Variants in BIRC6 observed in about 807,000 individuals in gnomAD.
BIRC6 encodes the protein baculoviral IAP repeat containing 6, also known as dual E2 ubiquitin-conjugating enzyme/E3 ubiquitin-protein ligase BIRC6.
A neutral mutation model predicts 503.3 loss-of-function variants in BIRC6; 98 were observed. The ratio of observed to expected loss-of-function variants is 0.19; its 90% confidence interval spans 0.17 to 0.23. The LOEUF is 0.23. Among genes scored for constraint, BIRC6 ranks in the 10% least tolerant of loss-of-function variants. BIRC6 has a pLI of 1.00. For missense variants in BIRC6, 5,360 were observed against 5,806.0 expected, an observed-to-expected ratio of 0.92 and a Z score of 2.50; for synonymous variants, 2,240 against 2,078.7, an observed-to-expected ratio of 1.08 and a Z score of -2.11.
At chr2:32,429,947 G>T (rs2147937837) in intron 11 of BIRC6, among the ~76,000 whole-genome samples, 1 of 152,196 alleles carries the variant, frequency 6.6e-6, no homozygotes, top group Admixed American at 6.5e-5. Context: ...GAATGGAGAA[G>T]ATTTTTTATA....
rs70938348 is a variant in BIRC6, at chr2:32,473,706, CGTGTGTGTGTGTGTGTGT to C, written c.6720+494_6720+511del. Among the ~76,000 whole-genome samples the C allele has an allele frequency of 9.2e-4, 67 of 72,690 alleles. 1 individual carries two copies. Among genetic ancestry groups the C allele is most frequent in the Admixed American group, 4.3e-3 (20 of 4,666 alleles). 47.7% of individuals were successfully genotyped at this position (72,690 alleles called of 152,430 possible). Reference sequence around the variant, plus strand: ...TTTCCATGTCTTTTTTCTCCTTTTTCGTGTGTGTGTGTGTGTGTGTGTGTGTGTGTGTGTGTGTGTGTG... The same window carrying C: ...TTTCCATGTCTTTTTTCTCCTTTTTCGTGTGTGTGTGTGTGTGTGTGTGTG... On this transcript the variant is annotated intron_variant, in intron 33 of 73. Coordinates refer to ENST00000421745, the MANE Select transcript of BIRC6 (RefSeq NM_016252.4).
At chr2:32,531,862 T>G (rs1285250724) in intron 61 of BIRC6, among the ~76,000 whole-genome samples, 1 of 152,218 alleles carries the variant, frequency 6.6e-6, no homozygotes, top group Non-Finnish European at 1.5e-5. Flanking sequence ...TTATTAGAGA[T>G]ATTATTGGAA....
Position 32,468,638 on chromosome 2 carries a change from C to G in BIRC6, c.5982C>G (p.Leu1994=). Residue 1994 remains leucine, a synonymous_variant, in exon 29 of 74, where the codon CTC becomes CTG. Coordinates refer to ENST00000421745, the MANE Select transcript of BIRC6 (RefSeq NM_016252.4). The part of the protein sequence containing the change: ...LNLAHNAVQR[L]KVALGASRKM... The stretch of plus-strand genomic sequence containing the variant: ...TGGCTCATAATGCAGTGCAGAGGCT[C>G]AAAGTGGCGCTAGGTGCAAGCCGGA... 1 of 1,613,980 alleles carries G rather than the reference C, an allele frequency of 6.2e-7. No homozygotes were observed. The highest frequency in any genetic ancestry group is 8.5e-7 in the Non-Finnish European group (1 of 1,179,862).
At chr2:32,462,750 G>T (rs2148853530) in intron 23 of BIRC6, among the ~76,000 whole-genome samples, 1 of 152,264 alleles carries the variant, frequency 6.6e-6, no homozygotes, top group African/African-American at 2.4e-5. Context: ...GAGGCCAGGA[G>T]TTCCAGACCA....
At chr2:32,549,100 A>T (rs1302387948) in intron 64 of BIRC6, 3 of 361,988 alleles carry the variant, frequency 8.3e-6, no homozygotes, top group Non-Finnish European at 1.5e-5. Context: ...GTCTAGTCAT[A>T]TGTAGTGTAC....
chr2:32,594,060 G>A lies in BIRC6; in HGVS notation c.13501G>A (p.Glu4501Lys). Residue 4501 changes from glutamate to lysine, a missense_variant and splice_region_variant, in exon 67 of 74, where the codon GAA (glutamate) becomes AAA (lysine). Glu to Lys is a moderately conservative substitution (Grantham distance 56). Around this residue, in one of 16 missense-constraint regions of BIRC6, gnomAD observed 477 missense variants for 574.4 expected, o/e 0.83. Transcript: ENST00000421745. ...ATTSLRQANQEKKLGEYSKKA... is the reference protein window; with the variant it reads ...ATTSLRQANQKKKLGEYSKKA... ...CACCAGTTTGCGGCAAGCAAATCAG[G>A]GTACAAAACTTTTCCTATTATGCCA... 1 of 1,602,124 alleles carries A rather than the reference G, an allele frequency of 6.2e-7. No homozygotes were observed. The highest frequency in any genetic ancestry group is 8.5e-7 in the Non-Finnish European group (1 of 1,175,478).
chr2:32,361,813 C>T lies in BIRC6; in HGVS notation c.325+4327C>T, dbSNP rs2034137120. ...TACCGTTTGTAGACTTTTCAGGTTG[C>T]CTTCTTTATCTATATGCATTTACAG... On this transcript the variant is annotated intron_variant, in intron 1 of 73. Transcript: ENST00000421745. 2.0e-5 allele frequency among the ~76,000 whole-genome samples: 3 copies of T among 152,190 alleles called. No homozygotes were observed. The South Asian group carries it at 6.2e-4, about 32-fold the overall frequency.
chr2:32,398,398 C>G (rs1233107911), intron 6 of BIRC6, among the ~76,000 whole-genome samples: 2 of 152,124 alleles, frequency 1.3e-5, no homozygotes, highest in Non-Finnish European at 2.9e-5. Context: ...TAATCACCCT[C>G]AGTAACTTTC....
intron 10 of BIRC6, among the ~76,000 whole-genome samples, chr2:32,423,056 G>C (rs1173921259): frequency 6.6e-6 from 1 of 152,106 alleles, no homozygotes; most frequent in Non-Finnish European, 1.5e-5. Flanking sequence ...TCCTGCCTCA[G>C]CCTCCCAAGG....
chr2:32,416,179 A>T lies in BIRC6; in HGVS notation c.2872+16A>T, dbSNP rs761569098. The T allele has an allele frequency of 2.6e-5, 41 of 1,557,398 alleles. No individual in the cohort carries two copies. The highest frequency in any genetic ancestry group is 3.6e-5 in the Non-Finnish European group (41 of 1,153,506). On this transcript the variant is annotated intron_variant, in intron 10 of 73. Transcript: ENST00000421745. ...TGCACCAAAGGTAAGTTGTCTGATTATGCTATAAATCTTATAAAATCCATG... is the reference window on the plus strand; with the variant it reads ...TGCACCAAAGGTAAGTTGTCTGATTTTGCTATAAATCTTATAAAATCCATG...
At position 32,377,722 on chromosome 2, in the gene BIRC6, G is replaced by C. The variant is rs762312266; in HGVS notation, c.460G>C (p.Val154Leu). The change falls in exon 2 of 74, where the codon GTT (valine) becomes CTT (leucine). Residue 154 changes from valine to leucine, a missense_variant. Val to Leu is a conservative substitution (Grantham distance 32). Transcript: ENST00000421745. ...GTTAGACACTGCTCTGCAAACTCCA[G>C]TTTCAAAGCAGGATGATGTGGTTCA... ...LLLDTALQTPVSKQDDVVQLE... is the reference protein window; with the variant it reads ...LLLDTALQTPLSKQDDVVQLE... 2 of 1,613,680 alleles carry C rather than the reference G, an allele frequency of 1.2e-6. No homozygotes were observed. Among genetic ancestry groups the C allele is most frequent in the African/African-American group, 1.3e-5 (1 of 75,030 alleles).
chr2:32,499,923 A>G lies in BIRC6; in HGVS notation c.8845A>G (p.Asn2949Asp). The G allele has an allele frequency of 6.2e-7, 1 of 1,614,046 alleles. No homozygotes were observed. The highest frequency in any genetic ancestry group is 8.5e-7 in the Non-Finnish European group (1 of 1,179,886). ...EYSARVSVTT[N>D]TTDSVSDEEK... ...CAGTGCAAGAGTGTCTGTGACCACA[A>G]ATACAACAGATAGTGTTTCAGATGA... is the stretch of plus-strand genomic sequence containing the variant. The change falls in exon 46 of 74, where the codon AAT (asparagine) becomes GAT (aspartate). Residue 2949 changes from asparagine (N) to aspartate (D), a missense_variant. Transcript: ENST00000421745.
chr2:32,482,924 T>C (rs1193911202), intron 39 of BIRC6, among the ~76,000 whole-genome samples: 1 of 151,854 alleles, frequency 6.6e-6, no homozygotes, highest in Non-Finnish European at 1.5e-5. Flanking sequence ...TTTGCAGTTT[T>C]TTTTTTTTTT....
At chr2:32,574,414 G>C (rs540055136) in intron 65 of BIRC6, among the ~76,000 whole-genome samples, 1 of 151,912 alleles carries the variant, frequency 6.6e-6, no homozygotes, top group African/African-American at 2.4e-5. Context: ...CACAGTGTCC[G>C]GCCCCAAGTA....
intron 6 of BIRC6, among the ~76,000 whole-genome samples, chr2:32,399,074 A>T (rs1280086328): frequency 6.6e-6 from 1 of 151,990 alleles, no homozygotes; most frequent in African/African-American, 2.4e-5. Flanking sequence ...TATTTTTAAA[A>T]TTTTATTTAT....
At chr2:32,379,522 T>C (rs1265722891) in intron 2 of BIRC6, 1 of 152,214 alleles carries the variant, frequency 6.6e-6, no homozygotes, top group East Asian at 1.9e-4. Context: ...TTTTTCTCTT[T>C]GTACTTTAAT....
At chr2:32,461,141 C>CCCTGT (rs2047923097) in intron 23 of BIRC6, among the ~76,000 whole-genome samples, 1 of 4,338 alleles carries the variant, frequency 2.3e-4, no homozygotes. Flanking sequence ...CCCTCCCCTC[C>CCCTGT]CCTCCCCTCC....
rs970191386 is a variant in BIRC6, at chr2:32,514,261, C to T, written c.10569-729C>T. Among the ~76,000 whole-genome samples, 3 of 152,060 alleles carry T rather than the reference C, an allele frequency of 2.0e-5. No individual in the cohort carries two copies. In the East Asian group the frequency reaches 5.8e-4, roughly 29 times the overall value. On this transcript the variant is annotated intron_variant, in intron 54 of 73. Transcript: ENST00000421745. ...ACTTGAACCCAGGAGTTAGAGCCCA[C>T]ACTGACCTATGATGATGGCACCACT...
At chr2:32,569,130 C>T (rs1466921906) in intron 65 of BIRC6, among the ~76,000 whole-genome samples, 1 of 151,796 alleles carries the variant, frequency 6.6e-6, no homozygotes, top group Non-Finnish European at 1.5e-5. Context: ...GCTGGGTTTA[C>T]AGACACCCAC....
Sources: gnomAD v4.1 joint callset for allele counts (sites outside exome capture counted in the v4.1 genomes callset) on GRCh38, gnomAD v4.1.1 for gene constraint, gnomAD v4.1.1 regional missense constraint, MANE v1.5 for transcripts, NCBI Gene and HGNC (gene_info 2026-07-23, HGNC 2026-07-21) for gene names.